The following AMIGO1 variants were observed in gnomAD, a reference collection of about 807,000 sequenced individuals.
AMIGO1 encodes adhesion molecule with Ig like domain 1.
For synonymous variants in AMIGO1, 249 were observed against 266.3 expected, an observed-to-expected ratio of 0.93 and a Z score of 0.63; for missense variants, 361 against 612.3, an observed-to-expected ratio of 0.59 and a Z score of 4.33.
rs1438034801 is a variant in AMIGO1 at position 109,505,728 on chromosome 1, G to T, written c.*1703C>A. The T allele has an allele frequency of 1.3e-5, 2 of 152,118 alleles. No individual in the cohort carries two copies. The highest frequency in any genetic ancestry group is 2.4e-5 in the African/African-American group (1 of 41,406). 9.4% of individuals were successfully genotyped at this position (152,118 alleles called of 1,614,324 possible). On this transcript the variant is annotated 3_prime_UTR_variant, in exon 2 of 2. Transcript: ENST00000369864. The stretch of plus-strand genomic sequence containing the variant: ...CCAAGCCCCTCACCCACAGGTAAAT[G>T]ACACCTCTTAGAATGTAAAAAGAGG...
At position 109,508,873 on chromosome 1, in the gene AMIGO1, G is replaced by C; in HGVS notation, c.40C>G (p.Leu14Val). 6.2e-7 allele frequency: 1 copy of C among 1,602,736 alleles called. No individual in the cohort carries two copies. The highest frequency in any genetic ancestry group is 8.5e-7 in the Non-Finnish European group (1 of 1,173,620). Residue 14 changes from leucine (L) to valine (V), a missense_variant, in exon 2 of 2, where the codon CTG becomes GTG. Transcript: ENST00000369864. The surrounding 1 kb of genome is among the most constrained non-coding windows in gnomAD (Gnocchi z 7.8). ...AAAAGCAGCAGGGACAAGGACGGCA[G>C]CAGGAGCCAGAGGCCTCTCGGGTCA... ...HRDPRGLWLL[L>V]PSLSLLLFEV...
rs1658084248 is a variant in AMIGO1, at chr1:109,508,601, C to T, written c.312G>A (p.Glu104=). Residue 104 remains glutamate, a synonymous_variant, in exon 2 of 2, where the codon GAG becomes GAA. Transcript: ENST00000369864. The surrounding 1 kb of genome is among the most constrained non-coding windows in gnomAD (Gnocchi z 7.8). ...SHNHLNFISS[E]AFSPVPNLRY... ...GCAGGTTGGGTACCGGGGAAAAGGC[C>T]TCAGAGGAGATGAAGTTCAGGTGGT... The T allele has an allele frequency of 1.2e-6, 2 of 1,614,124 alleles. No homozygotes were observed. Among genetic ancestry groups the T allele is most frequent in the East Asian group, 2.2e-5 (1 of 44,882 alleles).
rs370157353 is a variant in AMIGO1 at position 109,507,409 on chromosome 1, T to C, written c.*22A>G. The stretch of plus-strand genomic sequence containing the variant: ...GTGCATTACCTCTCCTGGGGCAGAA[T>C]CTCCCCACCAACCCATCCTGCTCAC... On this transcript the variant is annotated 3_prime_UTR_variant, in exon 2 of 2. Transcript: ENST00000369864. This position sits in a 1 kb window ranked among gnomAD's most constrained non-coding sequence, Gnocchi z 4.7. The C allele has an allele frequency of 2.2e-5, 35 of 1,566,832 alleles. No individual in the cohort carries two copies. Among genetic ancestry groups the C allele is most frequent in the Non-Finnish European group, 2.9e-5 (34 of 1,153,630 alleles).
chr1:109,506,910 AT>A lies in AMIGO1; in HGVS notation c.*520del. ...TGAGGTCTCAGCCTTTTCCTGACTC[AT>A]TTTCCAAAGGTTTTCAACTTCCCCA... On this transcript the variant is annotated 3_prime_UTR_variant, in exon 2 of 2. Transcript: ENST00000369864. 1 of 155,484 alleles carries A rather than the reference AT, an allele frequency of 6.4e-6. No homozygotes were observed. Among genetic ancestry groups the A allele is most frequent in the South Asian group, 2.0e-4 (1 of 5,032 alleles). 9.6% of individuals were successfully genotyped at this position (155,484 alleles called of 1,614,324 possible).
Position 109,507,991 on chromosome 1 carries a change from G to A in AMIGO1, c.922C>T (p.Arg308Trp). The A allele has an allele frequency of 6.2e-7, 1 of 1,614,108 alleles. No homozygotes were observed. The highest frequency in any genetic ancestry group is 8.5e-7 in the Non-Finnish European group (1 of 1,180,028). The change falls in exon 2 of 2, where the codon CGG becomes TGG. Residue 308 changes from arginine (R) to tryptophan (W), a missense_variant. Physicochemically the swap from Arg to Trp is moderately radical, Grantham distance 101. Transcript: ENST00000369864. The surrounding 1 kb of genome is among the most constrained non-coding windows in gnomAD (Gnocchi z 4.7). ...TKVWVTPSNE[R>W]VLDEVTNGTV... ...CCATTGGTCACCTCATCTAGCACCC[G>A]TTCATTACTTGGTGTCACCCACACC...
At chr1:109,509,136 T>C (rs1215179706) in intron 1 of AMIGO1, 137 bp from the exon 2 acceptor site, 1 of 581,912 alleles carries the variant, frequency 1.7e-6, no homozygotes, top group Non-Finnish European at 3.0e-6. Flanking sequence ...CCAGGCACTG[T>C]GCAGGCAGTG....
chr1:109,504,351 A>G lies in AMIGO1; in HGVS notation c.*3080T>C, dbSNP rs1657965669. 1.3e-5 allele frequency: 2 copies of G among 152,184 alleles called. No individual in the cohort carries two copies. The highest frequency in any genetic ancestry group is 1.3e-4 in the Admixed American group (2 of 15,284). The allele number at this position is 152,184 out of a possible 1,614,324, so 9.4% of individuals were successfully genotyped here. On this transcript the variant is annotated 3_prime_UTR_variant, in exon 2 of 2. Coordinates refer to ENST00000369864, the MANE Select transcript of AMIGO1 (RefSeq NM_020703.4). ...CGAGGAAGTACAGAGGTAAGAACAC[A>G]CAGAAAACTGGATCCATCTGCTTTG... is the stretch of plus-strand genomic sequence containing the variant.
In AMIGO1 at chr1:109,508,450, C is replaced by T; in HGVS notation, c.463G>A (p.Asp155Asn). ...HIMAVDRCAF[D>N]DMAQLQKLYL... ...AGTTTCTGCAGCTGGGCCATGTCAT[C>T]GAAGGCGCACCGGTCCACCGCCATG... Residue 155 changes from aspartate to asparagine, a missense_variant, in exon 2 of 2, where the codon GAT becomes AAT. Asp to Asn is a conservative substitution (Grantham distance 23). Transcript: ENST00000369864. This position sits in a 1 kb window ranked among gnomAD's most constrained non-coding sequence, Gnocchi z 7.8. 1.2e-6 allele frequency: 2 copies of T among 1,614,042 alleles called. No homozygotes were observed. Among genetic ancestry groups the T allele is most frequent in the Non-Finnish European group, 1.7e-6 (2 of 1,180,022 alleles).
chr1:109,508,610 G>A lies in AMIGO1; in HGVS notation c.303C>T (p.Ile101=). ...LLLSHNHLNF[I]SSEAFSPVPN... ...GTACCGGGGAAAAGGCCTCAGAGGA[G>A]ATGAAGTTCAGGTGGTTGTGGCTCA... The change falls in exon 2 of 2, where the codon ATC becomes ATT. Residue 101 remains isoleucine, a synonymous_variant. Coordinates refer to ENST00000369864, the MANE Select transcript of AMIGO1 (RefSeq NM_020703.4). The surrounding 1 kb of genome is among the most constrained non-coding windows in gnomAD (Gnocchi z 7.8). The A allele has an allele frequency of 6.2e-7, 1 of 1,614,204 alleles. No individual in the cohort carries two copies. The highest frequency in any genetic ancestry group is 1.3e-5 in the African/African-American group (1 of 75,044).
At position 109,509,438 on chromosome 1, in the gene AMIGO1, T is replaced by A. The variant is rs991630484; in HGVS notation, c.-106A>T. On this transcript the variant is annotated 5_prime_UTR_variant, in exon 1 of 2. Coordinates refer to ENST00000369864, the MANE Select transcript of AMIGO1 (RefSeq NM_020703.4). ...ACTGCACCTGCTCGGCGAGGACGTG[T>A]CTCAGCCCATGGCCGGTCTGGGAGC... is the stretch of plus-strand genomic sequence containing the variant. 6.5e-6 allele frequency: 1 copy of A among 155,022 alleles called. No individual in the cohort carries two copies. Among genetic ancestry groups the A allele is most frequent in the Non-Finnish European group, 1.4e-5 (1 of 69,730 alleles). 9.6% of individuals were successfully genotyped at this position (155,022 alleles called of 1,614,324 possible).
chr1:109,507,986 C>T lies in AMIGO1; in HGVS notation c.927G>A (p.Val309=), dbSNP rs1658067633. The T allele has an allele frequency of 6.2e-7, 1 of 1,614,184 alleles. No homozygotes were observed. Reference sequence around the variant, plus strand: ...CTGTGCCATTGGTCACCTCATCTAGCACCCGTTCATTACTTGGTGTCACCC... The same window carrying T: ...CTGTGCCATTGGTCACCTCATCTAGTACCCGTTCATTACTTGGTGTCACCC... ...KVWVTPSNER[V]LDEVTNGTVS... is the part of the protein sequence containing the mutation. The change falls in exon 2 of 2, where the codon GTG becomes GTA. Residue 309 remains valine (V), a synonymous_variant. Transcript: ENST00000369864. This position sits in a 1 kb window ranked among gnomAD's most constrained non-coding sequence, Gnocchi z 4.7.
chr1:109,507,056 AT>A lies in AMIGO1; in HGVS notation c.*374del, dbSNP rs1198225251. 7 of 178,428 alleles carry A rather than the reference AT, an allele frequency of 3.9e-5. No individual in the cohort carries two copies. The highest frequency in any genetic ancestry group is 1.5e-4 in the East Asian group (1 of 6,878). The allele number at this position is 178,428 out of a possible 1,614,324, so 11.1% of individuals were successfully genotyped here. A position where few individuals can be genotyped will look rare whatever the true frequency, so the allele number is the denominator to read the frequency against. ...GTGTGGGTGGGCAGAGATAGAAAAA[AT>A]TTTTTTTTCTAAATGTTTTTCTCTT... On this transcript the variant is annotated 3_prime_UTR_variant, in exon 2 of 2. Coordinates refer to ENST00000369864, the MANE Select transcript of AMIGO1 (RefSeq NM_020703.4). This position sits in a 1 kb window ranked among gnomAD's most constrained non-coding sequence, Gnocchi z 4.7.
rs780470942 is a variant in AMIGO1 at position 109,508,445 on chromosome 1, G to A, written c.468C>T (p.Asp156=). Residue 156 remains aspartate, a synonymous_variant, in exon 2 of 2, where the codon GAC becomes GAT. Coordinates refer to ENST00000369864, the MANE Select transcript of AMIGO1 (RefSeq NM_020703.4). This position sits in a 1 kb window ranked among gnomAD's most constrained non-coding sequence, Gnocchi z 7.8. ...IMAVDRCAFD[D]MAQLQKLYLS... ...AGTAGAGTTTCTGCAGCTGGGCCAT[G>A]TCATCGAAGGCGCACCGGTCCACCG... is the stretch of plus-strand genomic sequence containing the variant. 9.3e-6 allele frequency: 15 copies of A among 1,614,028 alleles called. No individual in the cohort carries two copies. The highest frequency in any genetic ancestry group is 6.6e-5 in the South Asian group (6 of 91,086).
In AMIGO1 at chr1:109,505,170, A is replaced by G. The variant is rs1047320853; in HGVS notation, c.*2261T>C. 1 of 152,156 alleles carries G rather than the reference A, an allele frequency of 6.6e-6. No individual in the cohort carries two copies. Among genetic ancestry groups the G allele is most frequent in the Non-Finnish European group, 1.5e-5 (1 of 68,036 alleles). 9.4% of individuals were successfully genotyped at this position (152,156 alleles called of 1,614,324 possible). A position where few individuals can be genotyped will look rare whatever the true frequency, so the allele number is the denominator to read the frequency against. On this transcript the variant is annotated 3_prime_UTR_variant, in exon 2 of 2. Coordinates refer to ENST00000369864, the MANE Select transcript of AMIGO1 (RefSeq NM_020703.4). ...ACCTAGTTCTATCTTAATTGCTCAT[A>G]TATTGCTCATATATATAGTCTTCAC...
In AMIGO1 at chr1:109,506,145, T is replaced by C. The variant is rs1482969531; in HGVS notation, c.*1286A>G. 1.3e-5 allele frequency: 2 copies of C among 152,238 alleles called. No homozygotes were observed. The highest frequency in any genetic ancestry group is 1.5e-5 in the Non-Finnish European group (1 of 68,054). 9.4% of individuals were successfully genotyped at this position (152,238 alleles called of 1,614,324 possible). ...CTGTGGAGAGGGCAGAACTTGAAGC[T>C]GCACTCCAAATTGCCATTCTGGGGT... On this transcript the variant is annotated 3_prime_UTR_variant, in exon 2 of 2. Transcript: ENST00000369864.
chr1:109,508,897 C>T lies in AMIGO1; in HGVS notation c.16G>A (p.Asp6Asn). ...AGCAGGAGCCAGAGGCCTCTCGGGT[C>T]ACGGTGGGGGTGCATAGTGTCACTG... MHPHR[D>N]PRGLWLLLPS... Residue 6 changes from aspartate to asparagine, a missense_variant, in exon 2 of 2, where the codon GAC (aspartate) becomes AAC (asparagine). By Grantham distance (23) the Asp-to-Asn change is conservative. Coordinates refer to ENST00000369864, the MANE Select transcript of AMIGO1 (RefSeq NM_020703.4). The surrounding 1 kb of genome is among the most constrained non-coding windows in gnomAD (Gnocchi z 7.8). 1 of 1,578,752 alleles carries T rather than the reference C, an allele frequency of 6.3e-7. No individual in the cohort carries two copies. The highest frequency in any genetic ancestry group is 1.2e-5 in the South Asian group (1 of 85,558).
In AMIGO1 at chr1:109,508,034, C is replaced by T. The variant is rs771202155; in HGVS notation, c.879G>A (p.Lys293=). The change falls in exon 2 of 2, where the codon AAG becomes AAA. Residue 293 remains lysine (K), a synonymous_variant. Coordinates refer to ENST00000369864, the MANE Select transcript of AMIGO1 (RefSeq NM_020703.4). This position sits in a 1 kb window ranked among gnomAD's most constrained non-coding sequence, Gnocchi z 7.8. The part of the protein sequence containing the change: ...GDTLIIKCDT[K]QQGMTKVWVT... ...CCCACACCTTGGTCATCCCTTGCTG[C>T]TTGGTGTCACACTTGATGATCAAGG... The T allele has an allele frequency of 9.3e-6, 15 of 1,614,188 alleles. No homozygotes were observed. The South Asian group carries it at 1.2e-4, about 13-fold the overall frequency.
rs1336147458 is a variant in AMIGO1, at chr1:109,504,410, C to T, written c.*3021G>A. On this transcript the variant is annotated 3_prime_UTR_variant, in exon 2 of 2. Coordinates refer to ENST00000369864, the MANE Select transcript of AMIGO1 (RefSeq NM_020703.4). ...AGCTGGGGTGTACCCTCTCCTGGCC[C>T]CTTTCTTGGGCCCCATAAATACAAA... 1 of 152,096 alleles carries T rather than the reference C, an allele frequency of 6.6e-6. No individual in the cohort carries two copies. The allele number at this position is 152,096 out of a possible 1,614,324, so 9.4% of individuals were successfully genotyped here.
At position 109,506,963 on chromosome 1, in the gene AMIGO1, A is replaced by G. The variant is rs1269554250; in HGVS notation, c.*468T>C. 6.4e-6 allele frequency: 1 copy of G among 156,604 alleles called. No individual in the cohort carries two copies. Among genetic ancestry groups the G allele is most frequent in the East Asian group, 1.9e-4 (1 of 5,260 alleles). The allele number at this position is 156,604 out of a possible 1,614,324, so 9.7% of individuals were successfully genotyped here. On this transcript the variant is annotated 3_prime_UTR_variant, in exon 2 of 2. Coordinates refer to ENST00000369864, the MANE Select transcript of AMIGO1 (RefSeq NM_020703.4). Reference sequence around the variant, plus strand: ...CTGTGAAGTTTGACTTGCTAAACAAAGAAGATACTACAGCTTTTCCCCAGT... The same window carrying G: ...CTGTGAAGTTTGACTTGCTAAACAAGGAAGATACTACAGCTTTTCCCCAGT...
Sources: allele counts gnomAD v4.1 joint callset, GRCh38; gene constraint gnomAD v4.1.1; non-coding constraint Gnocchi (gnomAD v3.1); transcripts MANE v1.5; gene names NCBI Gene and HGNC (gene_info 2026-07-23, HGNC 2026-07-21).